The following PIK3C2G variants were observed in gnomAD, a reference collection of about 807,000 sequenced individuals.
PIK3C2G encodes the protein phosphatidylinositol-4-phosphate 3-kinase catalytic subunit type 2 gamma.
PIK3C2G carries 168 observed loss-of-function variants against 181.1 expected under a neutral mutation model. That is an observed-to-expected ratio of 0.93 (90% confidence interval 0.82 to 1.05). The LOEUF (loss-of-function observed/expected upper bound fraction) is 1.05. PIK3C2G is among the 50% of genes least tolerant of loss of function. The pLI is 0.00. For synonymous variants in PIK3C2G, 573 were observed against 592.2 expected, an observed-to-expected ratio of 0.97 and a Z score of 0.47; for missense variants, 1,869 against 1,732.8, an observed-to-expected ratio of 1.08 and a Z score of -1.40.
the PIK3C2G span, among the ~76,000 whole-genome samples, chr12:18,667,452 A>T: frequency 1.4e-4 from 22 of 152,284 alleles, no homozygotes; most frequent in South Asian, 2.7e-3. Flanking sequence ...ATAGTCTTTG[A>T]CAACACTAAG....
rs201283872 is a variant in PIK3C2G, at chr12:18,647,943, T to G, written c.4376T>G (p.Val1459Gly). ...ATGCTTATTGTGAAGAGTAAAACTG[T>G]ATTTGTGGGAGCAATTAACATCCGA... ...VLMLIVKSKT[V>G]FVGAINIRLC... The change falls in exon 33 of 33, where the codon GTA (valine) becomes GGA (glycine). Residue 1459 changes from valine (V) to glycine (G), a missense_variant. Transcript: ENST00000538779. 58 of 1,601,536 alleles carry G rather than the reference T, an allele frequency of 3.6e-5. No individual in the cohort carries two copies. The highest frequency in any genetic ancestry group is 1.1e-5 in the South Asian group (1 of 89,730).
At chr12:18,699,830 C>T in the PIK3C2G span, 1 of 1,613,356 alleles carries the variant, frequency 6.2e-7, no homozygotes, top group Non-Finnish European at 8.5e-7. Context: ...TGTGTCTCCC[C>T]AATAGAATTA....
intron 11 of PIK3C2G, among the ~76,000 whole-genome samples, chr12:18,362,159 A>C (rs1048700668): frequency 6.6e-6 from 1 of 152,138 alleles, no homozygotes; most frequent in African/African-American, 2.4e-5. Flanking sequence ...TAAAAAAATC[A>C]TTCTATGCTG....
At chr12:18,595,520 A>C (rs988293627) in intron 30 of PIK3C2G, among the ~76,000 whole-genome samples, 1 of 152,150 alleles carries the variant, frequency 6.6e-6, no homozygotes, top group Non-Finnish European at 1.5e-5. Context: ...TAAATCTGGG[A>C]GATACTAATA....
Position 18,420,635 on chromosome 12 carries a change from T to C in PIK3C2G, c.2316-306T>C, listed in dbSNP as rs12308810. Among the ~76,000 whole-genome samples, 522 of 152,250 alleles carry C rather than the reference T, an allele frequency of 3.4e-3. 2 individuals carry two copies. The highest frequency in any genetic ancestry group is 0.012 in the African/African-American group (486 of 41,570). On this transcript the variant is annotated intron_variant, in intron 16 of 32. Coordinates refer to ENST00000538779, the MANE Select transcript of PIK3C2G (RefSeq NM_001288772.2). ...GCTAAATAAGAAGCAAAGATTTTCA[T>C]ACTACTTTAGAAAAGATTTTAGATT...
chr12:18,431,378 C>T (rs541647054), intron 18 of PIK3C2G, among the ~76,000 whole-genome samples: 39 of 152,264 alleles, frequency 2.6e-4, no homozygotes, highest in African/African-American at 8.4e-4. Context: ...CCACTGGCCA[C>T]GTGGCAGGGA....
At chr12:18,356,938 T>C (rs1332151609) in intron 11 of PIK3C2G, among the ~76,000 whole-genome samples, 1 of 152,058 alleles carries the variant, frequency 6.6e-6, no homozygotes, top group Non-Finnish European at 1.5e-5. Flanking sequence ...GTCCTCACTT[T>C]AGGCTTCAGG....
At chr12:18,420,442 A>T (rs952041508) in intron 16 of PIK3C2G, among the ~76,000 whole-genome samples, 2 of 152,164 alleles carry the variant, frequency 1.3e-5, no homozygotes, top group African/African-American at 4.8e-5. Flanking sequence ...TTCACAGTCT[A>T]CTAGTAAGAT....
At chr12:18,333,202 C>A (rs1204450572) in intron 8 of PIK3C2G, among the ~76,000 whole-genome samples, 2 of 152,132 alleles carry the variant, frequency 1.3e-5, no homozygotes, top group South Asian at 2.1e-4. Flanking sequence ...TAGATCTCAG[C>A]GGGGTTCAGA....
intron 31 of PIK3C2G, among the ~76,000 whole-genome samples, chr12:18,625,997 A>G (rs540543654): frequency 8.9e-4 from 135 of 151,926 alleles, no homozygotes; most frequent in African/African-American, 3.0e-3. Flanking sequence ...TTTATTAAAG[A>G]ATTTAATACA....
the PIK3C2G span, among the ~76,000 whole-genome samples, chr12:18,720,478 C>T: frequency 6.6e-6 from 1 of 150,888 alleles, no homozygotes; most frequent in Non-Finnish European, 1.5e-5. Flanking sequence ...ATCTATCAAG[C>T]AGAAGACTGG....
At chr12:18,684,408 G>A in the PIK3C2G span, 4 of 805,414 alleles carry the variant, frequency 5.0e-6, no homozygotes, top group Non-Finnish European at 7.7e-6. Flanking sequence ...AGAGCACATA[G>A]GTTTTTAATA....
the PIK3C2G span, among the ~76,000 whole-genome samples, chr12:18,720,521 A>T: frequency 4.0e-5 from 6 of 151,438 alleles, no homozygotes; most frequent in African/African-American, 1.5e-4. Flanking sequence ...TATCCATTTA[A>T]CTTGTTATAT....
chr12:18,632,312 C>T (rs1294459045), intron 31 of PIK3C2G, among the ~76,000 whole-genome samples: 1 of 152,110 alleles, frequency 6.6e-6, no homozygotes, highest in Non-Finnish European at 1.5e-5. Context: ...TAAGTACTGT[C>T]CTCACATTAC....
chr12:18,380,600 G>C (rs1462004925), intron 13 of PIK3C2G, among the ~76,000 whole-genome samples: 3 of 152,050 alleles, frequency 2.0e-5, no homozygotes, highest in African/African-American at 7.2e-5. Context: ...GTTATACCAA[G>C]ACAGATTTTC....
chr12:18,590,476 T>C (rs73066293), intron 29 of PIK3C2G, among the ~76,000 whole-genome samples: 4,329 of 152,002 alleles, frequency 0.028, 67 homozygotes, highest in Middle Eastern at 0.061. Context: ...CCTGCATACA[T>C]CGTAGACTAT....
intron 31 of PIK3C2G, among the ~76,000 whole-genome samples, chr12:18,610,946 T>C (rs945669250): frequency 2.6e-5 from 4 of 152,074 alleles, no homozygotes; most frequent in African/African-American, 9.7e-5. Context: ...CCTGATGAAA[T>C]TGCTTTTAGA....
chr12:18,314,685 C>T (rs1173845766), intron 6 of PIK3C2G: 2 of 152,202 alleles, frequency 1.3e-5, no homozygotes, highest in Non-Finnish European at 2.9e-5. Context: ...GACTAATACA[C>T]TGAGTATAAC....
At chr12:18,506,132 C>T (rs990689842) in intron 24 of PIK3C2G, among the ~76,000 whole-genome samples, 1 of 152,094 alleles carries the variant, frequency 6.6e-6, no homozygotes, top group Non-Finnish European at 1.5e-5. Flanking sequence ...GTCCTTATGA[C>T]CACCTCATGG....
Sources: gnomAD v4.1 joint callset for allele counts (sites outside exome capture counted in the v4.1 genomes callset) on GRCh38, gnomAD v4.1.1 for gene constraint, MANE v1.5 for transcripts, NCBI Gene and HGNC (gene_info 2026-07-23, HGNC 2026-07-21) for gene names.